Variants in C10orf90 observed in about 807,000 individuals in gnomAD.
C10orf90 encodes the protein chromosome 10 open reading frame 90, also known as (E2-independent) E3 ubiquitin-conjugating enzyme FATS.
C10orf90 carries 56 observed loss-of-function variants against 62.5 expected under a neutral mutation model. The observed-to-expected ratio is 0.90, with a 90% CI of 0.72 to 1.12. The LOEUF (loss-of-function observed/expected upper bound fraction) is 1.12, where lower values mean the gene tolerates loss of function less well. Among genes scored for constraint, C10orf90 ranks in the 50% most tolerant of loss-of-function variants. C10orf90 has a pLI of 0.00. For missense variants in C10orf90, 970 were observed against 880.4 expected, an observed-to-expected ratio of 1.10 and a Z score of -1.29; for synonymous variants, 386 against 340.4, an observed-to-expected ratio of 1.13 and a Z score of -1.47.
At chr10:126,511,292 C>CT (rs1863092650) in intron 3 of C10orf90, among the ~76,000 whole-genome samples, 1 of 152,208 alleles carries the variant, frequency 6.6e-6, no homozygotes, top group African/African-American at 2.4e-5. Context: ...CTGAAAACAA[C>CT]TCACTGCAGT....
chr10:126,499,054 T>C (rs1862237903), intron 4 of C10orf90, among the ~76,000 whole-genome samples: 1 of 152,210 alleles, frequency 6.6e-6, no homozygotes, highest in Admixed American at 6.5e-5. Flanking sequence ...CAGAAGTCAG[T>C]AAATTACAGA....
At chr10:126,652,078 A>G (rs76904022) in intron 1 of C10orf90, among the ~76,000 whole-genome samples, 1,975 of 152,158 alleles carry the variant, frequency 0.013, 44 homozygotes, top group African/African-American at 0.045. Flanking sequence ...TTTTTATTCA[A>G]TCTTCTGAAC....
chr10:126,551,755 A>C (rs1864636541), intron 2 of C10orf90, among the ~76,000 whole-genome samples: 1 of 152,242 alleles, frequency 6.6e-6, no homozygotes, highest in African/African-American at 2.4e-5. Context: ...TACAGCATTA[A>C]ATCAAAAATC....
At chr10:126,642,298 C>T (rs1447011885) in intron 2 of C10orf90, among the ~76,000 whole-genome samples, 6 of 152,072 alleles carry the variant, frequency 3.9e-5, no homozygotes, top group South Asian at 2.1e-4. Context: ...TTTGGGAGGC[C>T]AAGGTGGGCA....
At chr10:126,571,204 A>G (rs1844498585) in intron 2 of C10orf90, among the ~76,000 whole-genome samples, 2 of 152,244 alleles carry the variant, frequency 1.3e-5, no homozygotes, top group African/African-American at 4.8e-5. Context: ...TTCTGGGGAC[A>G]CTGAGACTTC....
chr10:126,515,885 A>G (rs1863414466), intron 2 of C10orf90, among the ~76,000 whole-genome samples: 1 of 152,166 alleles, frequency 6.6e-6, no homozygotes, highest in African/African-American at 2.4e-5. Flanking sequence ...TCCATCTATG[A>G]CTGCTATTGA....
rs747764286 is a variant in C10orf90 at position 126,504,336 on chromosome 10, G to T, written c.1155C>A (p.Ser385=). The part of the protein sequence containing the change: ...PQIASPKMHR[S]VLSLNLNCSS... The stretch of plus-strand genomic sequence containing the variant: ...TACAATTGAGGTTGAGCGACAGGAC[G>T]GATCTGTGCATTTTGGGGCTGGCAA... Residue 385 remains serine (S), a synonymous_variant, in exon 4 of 10, where the codon TCC becomes TCA. Coordinates refer to ENST00000488181, the MANE Select transcript of C10orf90 (RefSeq NM_001350921.2). This position sits in a 1 kb window ranked among gnomAD's most constrained non-coding sequence, Gnocchi z 4.1. 41 of 1,614,050 alleles carry T rather than the reference G, an allele frequency of 2.5e-5. No individual in the cohort carries two copies. The highest frequency in any genetic ancestry group is 3.2e-5 in the Non-Finnish European group (38 of 1,180,050).
At position 126,614,476 on chromosome 10, in the gene C10orf90, G is replaced by A. The variant is rs1028022254; in HGVS notation, c.313+32089C>T. On this transcript the variant is annotated intron_variant, in intron 2 of 9. Coordinates refer to ENST00000488181, the MANE Select transcript of C10orf90 (RefSeq NM_001350921.2). ...CCTATGGCAACATGTATCACCTTCT[G>A]CTCAATCCTGAAGCTACACAAATTC... 6.6e-5 allele frequency among the ~76,000 whole-genome samples: 10 copies of A among 152,286 alleles called. No homozygotes were observed. The East Asian group carries it at 1.7e-3, about 26-fold the overall frequency.
intron 7 of C10orf90, among the ~76,000 whole-genome samples, chr10:126,443,594 G>A (rs1858543130): frequency 6.7e-6 from 1 of 149,204 alleles, no homozygotes; most frequent in Non-Finnish European, 1.5e-5. Flanking sequence ...AATTCTACTA[G>A]CCATTCAAAG....
Position 126,473,940 on chromosome 10 carries a change from C to T in C10orf90, c.1535-8954G>A, listed in dbSNP as rs559657811. ...CAGGAACCATACTTTGAGACCCACA[C>T]GGTTAGGTTTCATTGCAGTGAAGAA... On this transcript the variant is annotated intron_variant, in intron 4 of 9. Coordinates refer to ENST00000488181, the MANE Select transcript of C10orf90 (RefSeq NM_001350921.2). Among the ~76,000 whole-genome samples the T allele has an allele frequency of 4.6e-5, 7 of 152,192 alleles. No individual in the cohort carries two copies. The East Asian group carries it at 7.7e-4, about 17-fold the overall frequency.
At chr10:126,651,308 A>G (rs1846286430) in intron 1 of C10orf90, among the ~76,000 whole-genome samples, 1 of 152,200 alleles carries the variant, frequency 6.6e-6, no homozygotes, top group African/African-American at 2.4e-5. Context: ...GGTTTGTAGC[A>G]AACTACTCTG....
At chr10:126,458,172 C>T (rs1859708834) in intron 7 of C10orf90, among the ~76,000 whole-genome samples, 1 of 152,174 alleles carries the variant, frequency 6.6e-6, no homozygotes, top group South Asian at 2.1e-4. Context: ...AGAATAAGAT[C>T]TTGGTAATGT....
chr10:126,532,829 C>A (rs558374719), intron 2 of C10orf90, among the ~76,000 whole-genome samples: 1 of 4,214 alleles, frequency 2.4e-4, no homozygotes, highest in Non-Finnish European at 4.6e-4. Context: ...GGCAACAGAG[C>A]GAGACTACGT....
At chr10:126,661,253 GACA>G (rs907146902) in intron 1 of C10orf90, among the ~76,000 whole-genome samples, 1 of 152,184 alleles carries the variant, frequency 6.6e-6, no homozygotes, top group South Asian at 2.1e-4. Flanking sequence ...TTCAAACTTG[GACA>G]ACAACAACAA....
intron 2 of C10orf90, among the ~76,000 whole-genome samples, chr10:126,571,328 G>T (rs1033080531): frequency 2.0e-5 from 3 of 152,196 alleles, no homozygotes; most frequent in Non-Finnish European, 4.4e-5. Context: ...AGACTCACCA[G>T]GGCAACGATT....
rs375518221 is a variant in C10orf90 at position 126,475,099 on chromosome 10, CCAAA to C, written c.1535-10117_1535-10114del. Among the ~76,000 whole-genome samples the C allele has an allele frequency of 1.3e-3, 197 of 152,344 alleles. 1 individual carries two copies. Among genetic ancestry groups the C allele is most frequent in the African/African-American group, 4.3e-3 (180 of 41,582 alleles). ...CACCTGTGCTGAGCAGTCCAAATCA[CCAAA>C]CAAATATATCCAACATGTGGGAGCT... On this transcript the variant is annotated intron_variant, in intron 4 of 9. Transcript: ENST00000488181.
intron 2 of C10orf90, among the ~76,000 whole-genome samples, chr10:126,537,400 C>A (rs994679584): frequency 6.6e-6 from 1 of 152,180 alleles, no homozygotes; most frequent in Admixed American, 6.5e-5. Context: ...GCCTAGCAAC[C>A]TAGCCCCCCA....
At chr10:126,601,241 T>C (rs1845192458) in intron 2 of C10orf90, among the ~76,000 whole-genome samples, 1 of 152,172 alleles carries the variant, frequency 6.6e-6, no homozygotes, top group Non-Finnish European at 1.5e-5. Flanking sequence ...AACCAGCACA[T>C]GTGTGGGATG....
intron 2 of C10orf90, among the ~76,000 whole-genome samples, chr10:126,606,144 G>C (rs976655272): frequency 1.3e-5 from 2 of 152,166 alleles, no homozygotes; most frequent in Non-Finnish European, 2.9e-5. Flanking sequence ...ATTCTCAAGG[G>C]CTCTGCCCAC....
Sources: allele counts gnomAD v4.1 joint callset (sites outside exome capture counted in the v4.1 genomes callset), GRCh38; gene constraint gnomAD v4.1.1; non-coding constraint Gnocchi (gnomAD v3.1); transcripts MANE v1.5; gene names NCBI Gene and HGNC (gene_info 2026-07-23, HGNC 2026-07-21).